The following DGKK variants were observed in gnomAD, a reference collection of about 807,000 sequenced individuals.
DGKK encodes the protein diacylglycerol kinase kappa.
A neutral mutation model predicts 92.2 loss-of-function variants in DGKK; 35 were observed. The observed-to-expected ratio is 0.38, with a 90% CI of 0.29 to 0.50. DGKK has a LOEUF of 0.50. Ranked by LOEUF, DGKK falls within the 20% of genes least tolerant of loss-of-function variation. DGKK has a pLI of 0.92. For missense variants in DGKK, 910 were observed against 992.2 expected, an observed-to-expected ratio of 0.92 and a Z score of 1.11; for synonymous variants, 368 against 360.6, an observed-to-expected ratio of 1.02 and a Z score of -0.23.
chrX:50,420,304 C>T, intron 4 of DGKK, 99 bp downstream of exon 4: 1 of 763,874 alleles, frequency 1.3e-6, no homozygotes, highest in Non-Finnish European at 1.9e-6. Flanking sequence ...GTGGTCTCTG[C>T]TTCCATCTTA....
At chrX:50,380,656 T>A (rs1389232008) in intron 18 of DGKK, among the ~76,000 whole-genome samples, 2 of 111,172 alleles carry the variant, frequency 1.8e-5, no homozygotes, top group Non-Finnish European at 3.8e-5. Context: ...GGAAAGGATA[T>A]CAGGTGACTT....
intron 1 of DGKK, among the ~76,000 whole-genome samples, chrX:50,424,633 C>T (rs1810247739): frequency 9.0e-6 from 1 of 111,650 alleles, no homozygotes; most frequent in Non-Finnish European, 1.9e-5. Context: ...CAGTAGAGGG[C>T]AGGGACATGA....
chrX:50,469,946 T>C, intron 1 of DGKK, 88 bp downstream of exon 1: 1 of 1,103,875 alleles, frequency 9.1e-7, no homozygotes, highest in Non-Finnish European at 1.2e-6. Context: ...ACAAGCGGGA[T>C]GCAAGGGGTA....
At chrX:50,415,267 T>A (rs1557228410) in intron 4 of DGKK, among the ~76,000 whole-genome samples, 1 of 111,961 alleles carries the variant, frequency 8.9e-6, no homozygotes, top group African/African-American at 3.3e-5. Context: ...TTACAGATGC[T>A]CCCAGTTTAC....
In DGKK at chrX:50,384,218, C is replaced by A. The variant is rs375757316; in HGVS notation, c.2499G>T (p.Glu833Asp). 38 of 1,182,022 alleles carry A rather than the reference C, an allele frequency of 3.2e-5. No homozygotes were observed. The African/African-American group carries it at 5.7e-4, about 18-fold the overall frequency. Residue 833 changes from glutamate to aspartate, a missense_variant, in exon 17 of 28, where the codon GAG becomes GAT. Coordinates refer to ENST00000611977, the MANE Select transcript of DGKK (RefSeq NM_001013742.4). ...GATCCAAGTTAAGGTTGTCCAGGTC[C>A]TCACTTTTGAGAGAAGATATAGAAG... Reference protein sequence around the residue: ...TLSSISSLKSEDLDNLNLDHL... With the variant: ...TLSSISSLKSDDLDNLNLDHL...
intron 24 of DGKK, among the ~76,000 whole-genome samples, chrX:50,375,303 G>A (rs1295062039): frequency 8.9e-6 from 1 of 111,821 alleles, no homozygotes. Flanking sequence ...GCAGAGCACG[G>A]CTTGGCTTTG....
rs781843879 is a variant in DGKK at position 50,392,313 on chromosome X, G to A, written c.1704+28C>T. 6 of 1,132,263 alleles carry A rather than the reference G, an allele frequency of 5.3e-6. No homozygotes were observed. In the South Asian group the frequency reaches 9.2e-5, roughly 17 times the overall value. 93.3% of individuals were successfully genotyped at this position (1,132,263 alleles called of 1,213,427 possible). ...GCACACCCCTACTCTTTCTAGCAATGGCTAAACTGAGTCATCCAGGGACTT... is the reference window on the plus strand; with the variant it reads ...GCACACCCCTACTCTTTCTAGCAATAGCTAAACTGAGTCATCCAGGGACTT... On this transcript the variant is annotated intron_variant, in intron 10 of 27. Transcript: ENST00000611977.
chrX:50,404,377 G>A (rs1445147708), intron 4 of DGKK, among the ~76,000 whole-genome samples, 193 bp from the exon 5 acceptor site: 1 of 109,754 alleles, frequency 9.1e-6, no homozygotes, highest in African/African-American at 3.3e-5. Flanking sequence ...TGTTTTGCCA[G>A]TCGTTTCAAA....
At chrX:50,466,039 T>TTTTTTTTTTTTA (rs1926899820) in intron 1 of DGKK, among the ~76,000 whole-genome samples, 1 of 92,802 alleles carries the variant, frequency 1.1e-5, no homozygotes, top group Non-Finnish European at 2.1e-5. Context: ...TTTTTTTTTT[T>TTTTTTTTTTTTA]TTGCCTTTCC....
rs1166507302 is a variant in DGKK, at chrX:50,376,766, G to A, written c.3264C>T (p.Leu1088=). Residue 1088 remains leucine, a synonymous_variant, in exon 23 of 28, where the codon CTC becomes CTT. Transcript: ENST00000611977. The part of the protein sequence containing the change: ...MQHLARLAEN[L]ISKLNDLSKI... ...TAGGCCAGTCCACTTACTTGCTGAT[G>A]AGGTTTTCTGCAAGCCGAGCTAAGT... is the stretch of plus-strand genomic sequence containing the variant. 21 of 1,188,930 alleles carry A rather than the reference G, an allele frequency of 1.8e-5. No individual in the cohort carries two copies. The highest frequency in any genetic ancestry group is 2.4e-5 in the Non-Finnish European group (21 of 882,861).
At position 50,470,144 on chromosome X, in the gene DGKK, G is replaced by T. The variant is rs782569081; in HGVS notation, c.535C>A (p.Pro179Thr). Residue 179 changes from proline (P) to threonine (T), a missense_variant, in exon 1 of 28, where the codon CCA becomes ACA. By Grantham distance (38) the Pro-to-Thr change is conservative (BLOSUM62 -1). Coordinates refer to ENST00000611977, the MANE Select transcript of DGKK (RefSeq NM_001013742.4). ...AAPEFRPSPA[P>T]CLLQCPVDTR... ...TCCACCGGACATTGCAATAGACATG[G>T]TGCTGGACTTGGACGGAACTCTGGA... 2.5e-6 allele frequency: 3 copies of T among 1,211,060 alleles called. No homozygotes were observed. Among genetic ancestry groups the T allele is most frequent in the Admixed American group, 4.3e-5 (2 of 45,988 alleles).
intron 21 of DGKK, 48 bp from the exon 22 acceptor site, chrX:50,378,280 C>G: frequency 2.6e-6 from 3 of 1,172,546 alleles, no homozygotes; most frequent in Non-Finnish European, 3.4e-6. Flanking sequence ...GGGGCAACTG[C>G]TGTAACTCTA....
chrX:50,464,549 G>A (rs1057388339), intron 1 of DGKK, among the ~76,000 whole-genome samples: 3 of 109,740 alleles, frequency 2.7e-5, no homozygotes, highest in Non-Finnish European at 3.8e-5. Context: ...CCCTTAAAAA[G>A]ATTTCCTTTT....
chrX:50,470,689 C>G lies in DGKK; in HGVS notation c.-11G>C. Reference sequence around the variant, plus strand: ...AGCTCCGCGGTCCATGGCCGCACACCGCTTCAGGTCTGGGCAGCCTGAGTC... The same window carrying G: ...AGCTCCGCGGTCCATGGCCGCACACGGCTTCAGGTCTGGGCAGCCTGAGTC... On this transcript the variant is annotated 5_prime_UTR_variant, in exon 1 of 28. Transcript: ENST00000611977. 2 of 1,096,463 alleles carry G rather than the reference C, an allele frequency of 1.8e-6. No individual in the cohort carries two copies. The highest frequency in any genetic ancestry group is 2.4e-6 in the Non-Finnish European group (2 of 846,683). The allele number at this position is 1,096,463 out of a possible 1,213,427, so 90.4% of individuals were successfully genotyped here. A position where few individuals can be genotyped will look rare whatever the true frequency, so the allele number is the denominator to read the frequency against.
intron 1 of DGKK, among the ~76,000 whole-genome samples, chrX:50,453,208 T>C (rs991657242): frequency 7.2e-5 from 8 of 111,365 alleles, no homozygotes; most frequent in African/African-American, 2.6e-4. Context: ...GAAAACCTTG[T>C]ATTAATTATC....
intron 1 of DGKK, 147 bp downstream of exon 1, chrX:50,469,887 G>GGTTCCC: frequency 9.9e-7 from 1 of 1,008,890 alleles, no homozygotes; most frequent in Non-Finnish European, 1.3e-6. Flanking sequence ...CATTCCCCCG[G>GGTTCCC]GTTCCCCATC....
intron 1 of DGKK, among the ~76,000 whole-genome samples, chrX:50,441,435 T>G (rs782414541): frequency 9.0e-6 from 1 of 111,498 alleles, no homozygotes; most frequent in Admixed American, 9.5e-5. Context: ...AGTTCTGGAA[T>G]GAGCGAATAG....
chrX:50,376,926 T>C lies in DGKK; in HGVS notation c.3112-8A>G, dbSNP rs368699901. 8.4e-7 allele frequency: 1 copy of C among 1,186,245 alleles called. No homozygotes were observed. Among genetic ancestry groups the C allele is most frequent in the Admixed American group, 2.2e-5 (1 of 44,605 alleles). On this transcript the variant is annotated splice_region_variant and splice_polypyrimidine_tract_variant and intron_variant, in intron 22 of 27. Transcript: ENST00000611977. ...CATTGAGTTCTCAAAGTCCTGGAGA[T>C]GAATACAGTGGCATATCCTAATGAT...
intron 12 of DGKK, 46 bp from the exon 13 acceptor site, chrX:50,388,664 C>T: frequency 1.0e-6 from 1 of 963,092 alleles, no homozygotes; most frequent in Non-Finnish European, 1.5e-6. Flanking sequence ...AGTACAATAA[C>T]ACAGTGTGCT....
Sources: gnomAD v4.1 joint callset for allele counts (sites outside exome capture counted in the v4.1 genomes callset) on GRCh38, gnomAD v4.1.1 for gene constraint, MANE v1.5 for transcripts, NCBI Gene and HGNC (gene_info 2026-07-23, HGNC 2026-07-21) for gene names.